The following DAB1 variants were observed in gnomAD, a reference collection of about 807,000 sequenced individuals.
DAB1 encodes the protein DAB adaptor protein 1.
In DAB1, 15 loss-of-function variants were observed where a neutral mutation model predicts 64.6. The ratio of observed to expected loss-of-function variants is 0.23; its 90% CI spans 0.16 to 0.36. The LOEUF (loss-of-function observed/expected upper bound fraction) is 0.36. DAB1 is among the 10% of genes least tolerant of loss of function. The probability of loss-of-function intolerance (pLI) is 1.00; values close to 1 mark genes in which losing one functional copy is unlikely to be tolerated. For missense variants in DAB1, 596 were observed against 706.7 expected, an observed-to-expected ratio of 0.84 and a Z score of 1.78; for synonymous variants, 235 against 251.9, an observed-to-expected ratio of 0.93 and a Z score of 0.64.
At chr1:57,516,062 A>C (rs1402007422) in intron 7 of DAB1, among the ~76,000 whole-genome samples, 1 of 152,216 alleles carries the variant, frequency 6.6e-6, no homozygotes, top group Non-Finnish European at 1.5e-5. Flanking sequence ...AAAAGGATGT[A>C]AGATAGGATT....
chr1:57,548,564 C>A (rs1213855013), intron 7 of DAB1, among the ~76,000 whole-genome samples: 1 of 152,204 alleles, frequency 6.6e-6, no homozygotes, highest in Non-Finnish European at 1.5e-5. Flanking sequence ...AGTCTTCTAG[C>A]CTTTCAGTGA....
chr1:57,346,816 T>A (rs1400395083), intron 1 of DAB1, among the ~76,000 whole-genome samples: 1 of 152,214 alleles, frequency 6.6e-6, no homozygotes, highest in African/African-American at 2.4e-5. Context: ...AGGCTCTTTT[T>A]AAGTCTCATT....
rs150009923 is a variant in DAB1 at position 57,507,265 on chromosome 1, G to A, written n.625+142327C>T. Among the ~76,000 whole-genome samples the A allele has an allele frequency of 2.3e-3, 348 of 152,222 alleles. 3 individuals are homozygous for A. The highest frequency in any genetic ancestry group is 0.02 in the Middle Eastern group (6 of 294). On this transcript the variant is annotated intron_variant and non_coding_transcript_variant, in intron 7 of 20. Coordinates refer to the DAB1 transcript ENST00000485760. ...CCACTCATTACTGCATGCATGTGCC[G>A]TCTCTGATTATGGAGCTCTGCTCAA...
intron 5 of DAB1, among the ~76,000 whole-genome samples, chr1:57,936,326 T>C (rs1323482695): frequency 6.6e-6 from 1 of 152,250 alleles, no homozygotes; most frequent in African/African-American, 2.4e-5. Context: ...ACACCATCAG[T>C]TGTTGCCTGA....
At chr1:57,922,427 C>T (rs182920601) in intron 5 of DAB1, among the ~76,000 whole-genome samples, 1 of 152,050 alleles carries the variant, frequency 6.6e-6, no homozygotes. Flanking sequence ...GTTTAGGAAT[C>T]ATTGTACAAG....
At chr1:57,479,583 T>A (rs2101233654) in intron 7 of DAB1, among the ~76,000 whole-genome samples, 1 of 152,182 alleles carries the variant, frequency 6.6e-6, no homozygotes, top group East Asian at 1.9e-4. Context: ...TTTTTGGCAT[T>A]CTTGTTGGGG....
intron 5 of DAB1, among the ~76,000 whole-genome samples, chr1:58,018,705 GTTAA>G (rs1646777247): frequency 6.6e-6 from 1 of 152,202 alleles, no homozygotes; most frequent in African/African-American, 2.4e-5. Flanking sequence ...ATCGAAAGGT[GTTAA>G]TTGTTTTCAT....
intron 4 of DAB1, among the ~76,000 whole-genome samples, chr1:57,131,154 T>C (rs935408134): frequency 6.6e-6 from 1 of 152,180 alleles, no homozygotes; most frequent in African/African-American, 2.4e-5. Context: ...GTTGAGAATC[T>C]CTGAAACAAA....
chr1:57,574,319 G>A (rs1249420708), intron 7 of DAB1, among the ~76,000 whole-genome samples: 4 of 152,142 alleles, frequency 2.6e-5, no homozygotes, highest in Non-Finnish European at 5.9e-5. Flanking sequence ...CTGGACACTT[G>A]GTAGGGCTGC....
chr1:57,976,927 C>A (rs561029310), intron 5 of DAB1, among the ~76,000 whole-genome samples: 1 of 152,218 alleles, frequency 6.6e-6, no homozygotes, highest in East Asian at 1.9e-4. Context: ...CAGATCCTTG[C>A]CAAGTAATCT....
chr1:57,979,332 C>T (rs942826894), intron 5 of DAB1, among the ~76,000 whole-genome samples: 2 of 152,120 alleles, frequency 1.3e-5, no homozygotes, highest in African/African-American at 4.8e-5. Context: ...CCAAACACCA[C>T]ATGTTCTCAC....
chr1:58,143,085 A>G (rs905608852), intron 5 of DAB1, among the ~76,000 whole-genome samples: 1 of 152,204 alleles, frequency 6.6e-6, no homozygotes, highest in African/African-American at 2.4e-5. Flanking sequence ...GAGTTTCAGT[A>G]GGCCCTCCAG....
In DAB1 at chr1:58,157,340, C is replaced by T. The variant is rs571665645; in HGVS notation, n.310-6752G>A. Among the ~76,000 whole-genome samples, 38 of 152,290 alleles carry T rather than the reference C, an allele frequency of 2.5e-4. No homozygotes were observed. In the South Asian group the frequency reaches 6.2e-3, roughly 25 times the overall value. On this transcript the variant is annotated intron_variant and non_coding_transcript_variant, in intron 4 of 20. Coordinates refer to the DAB1 transcript ENST00000485760. The stretch of plus-strand genomic sequence containing the variant: ...TGCCCCTGGTGTGTGCCTTCCTAAG[C>T]GGCTGCCCTCATTGTGGGCACCAGC...
At chr1:57,140,366 G>A (rs185344767) in intron 3 of DAB1, among the ~76,000 whole-genome samples, 22 of 152,240 alleles carry the variant, frequency 1.4e-4, no homozygotes, top group Admixed American at 4.6e-4. Flanking sequence ...AAGGCCAGGG[G>A]ATCAAATGTC....
chr1:57,553,426 G>GAAAAAGAAAGAAAGAA (rs1355682742), intron 7 of DAB1, among the ~76,000 whole-genome samples: 6 of 18,224 alleles, frequency 3.3e-4, no homozygotes, highest in East Asian at 0.013. Context: ...AAGAAAGAAA[G>GAAAAAGAAAGAAAGAA]AAAGAAAGAA....
intron 5 of DAB1, among the ~76,000 whole-genome samples, chr1:58,006,722 C>G (rs1026169025): frequency 3.9e-5 from 6 of 152,150 alleles, no homozygotes; most frequent in Non-Finnish European, 8.8e-5. Context: ...TCTGAACCTG[C>G]AAGAAGGATA....
chr1:57,499,232 C>G (rs1472724190), intron 7 of DAB1, among the ~76,000 whole-genome samples: 1 of 152,170 alleles, frequency 6.6e-6, no homozygotes, highest in African/African-American at 2.4e-5. Flanking sequence ...CCTCGGCCTC[C>G]CAAAGTGCCA....
At chr1:58,256,977 T>A (rs1316123598) in intron 4 of DAB1, among the ~76,000 whole-genome samples, 5 of 152,222 alleles carry the variant, frequency 3.3e-5, no homozygotes, top group African/African-American at 1.2e-4. Flanking sequence ...AAATTTTTAT[T>A]GTTATTAAAC....
At chr1:57,583,225 A>G (rs1645334539) in intron 7 of DAB1, among the ~76,000 whole-genome samples, 1 of 151,958 alleles carries the variant, frequency 6.6e-6, no homozygotes, top group African/African-American at 2.4e-5. Context: ...ATACATGTAC[A>G]AACTTACTTT....
Sources: gnomAD v4.1 joint callset for allele counts (sites outside exome capture counted in the v4.1 genomes callset) on GRCh38, gnomAD v4.1.1 for gene constraint, MANE v1.5 for transcripts, NCBI Gene and HGNC (gene_info 2026-07-23, HGNC 2026-07-21) for gene names.